Variants in PLXNB2 observed in about 807,000 individuals in gnomAD.
The protein encoded by PLXNB2 is plexin B2.
Under a neutral mutation model 202.6 loss-of-function variants are expected in PLXNB2, and 85 were observed. The ratio of observed to expected loss-of-function variants is 0.42; its 90% confidence interval spans 0.35 to 0.50. The LOEUF (loss-of-function observed/expected upper bound fraction) is 0.50, where lower values mean the gene tolerates loss of function less well. PLXNB2 is among the 20% of genes least tolerant of loss of function. The pLI, the probability that PLXNB2 is intolerant of heterozygous loss-of-function variation, is 0.02. For synonymous variants in PLXNB2, 1,239 were observed against 1,137.6 expected, an observed-to-expected ratio of 1.09 and a Z score of -1.79; for missense variants, 2,063 against 2,586.2, an observed-to-expected ratio of 0.80 and a Z score of 4.39.
rs776734051 is a variant in PLXNB2 at position 50,282,713 on chromosome 22, G to A, written c.2985C>T (p.Ala995=). 1 of 1,604,894 alleles carries A rather than the reference G, an allele frequency of 6.2e-7. No homozygotes were observed. The highest frequency in any genetic ancestry group is 8.5e-7 in the Non-Finnish European group (1 of 1,175,134). The part of the protein sequence containing the change: ...LRAFEPLRSF[A]SGGRSINVTG... ...GGGCGGGGGGACACCAGCCTCACCT[G>A]GCAAAGCTTCGTAGCGGCTCGAAGG... Residue 995 remains alanine, a splice_region_variant and synonymous_variant, in exon 18 of 37, where the codon GCC becomes GCT. Coordinates refer to ENST00000359337, the MANE Select transcript of PLXNB2 (RefSeq NM_012401.4).
chr22:50,280,014 C>T lies in PLXNB2; in HGVS notation c.4233G>A (p.Gln1411=), dbSNP rs374115679. 139 of 1,607,300 alleles carry T rather than the reference C, an allele frequency of 8.6e-5. 1 individual carries two copies. The South Asian group carries it at 1.4e-3, about 17-fold the overall frequency. ...CTGGGGTGGAACCCACCTTGAGGTA[C>T]TGGTACAGGCAGATGGACATCCAGT... ...LSNWMSICLY[Q]YLKDSAGEPL... The change falls in exon 26 of 37, where the codon CAG becomes CAA. Residue 1411 remains glutamine, a synonymous_variant. Transcript: ENST00000359337.
chr22:50,291,271 G>A lies in PLXNB2; in HGVS notation c.-13-674C>T, dbSNP rs186304265. Among the ~76,000 whole-genome samples, 4 of 152,290 alleles carry A rather than the reference G, an allele frequency of 2.6e-5. No individual in the cohort carries two copies. Among genetic ancestry groups the A allele is most frequent in the Non-Finnish European group, 5.9e-5 (4 of 68,012 alleles). On this transcript the variant is annotated intron_variant, in intron 2 of 36. Coordinates refer to ENST00000359337, the MANE Select transcript of PLXNB2 (RefSeq NM_012401.4). This position sits in a 1 kb window ranked among gnomAD's most constrained non-coding sequence, Gnocchi z 4.3. Reference sequence around the variant, plus strand: ...CAGCTCCTCGCTCGGCCCATGTCACGCCCAGGGCACAGCCTCTGATGTGCG... The same window carrying A: ...CAGCTCCTCGCTCGGCCCATGTCACACCCAGGGCACAGCCTCTGATGTGCG...
rs116229426 is a variant in PLXNB2, at chr22:50,283,450, C to T, written c.2571-5G>A. ...GCCTCGATCACACACACGATCCTGG[C>T]GGGCGACAGGCAGTGTGGCCCAGGC... On this transcript the variant is annotated splice_region_variant and splice_polypyrimidine_tract_variant and intron_variant, in intron 15 of 36. Transcript: ENST00000359337. The T allele has an allele frequency of 1.2e-3, 1,975 of 1,612,318 alleles. 12 individuals are homozygous for T. In the African/African-American group the frequency reaches 0.013, roughly 10 times the overall value.
intron 2 of PLXNB2, among the ~76,000 whole-genome samples, chr22:50,294,437 G>A (rs2067115077): frequency 1.4e-5 from 2 of 145,740 alleles, no homozygotes; most frequent in African/African-American, 5.1e-5. Flanking sequence ...CCCAGAACCC[G>A]GTGCCACAGT....
Position 50,282,013 on chromosome 22 carries a change from C to G in PLXNB2, c.3186G>C (p.Glu1062Asp). Residue 1062 changes from glutamate to aspartate, a missense_variant, in exon 20 of 37, where the codon GAG (glutamate) becomes GAC (aspartate). Glu to Asp is a conservative substitution (Grantham distance 45). Around this residue, in one of 2 missense-constraint regions of PLXNB2, gnomAD observed 760 missense variants for 1,109.4 expected, o/e 0.69. Transcript: ENST00000359337. ...CCGTGAGGTTGTAGGCCTCTGGCTCCTCAGGCACAGCCGGGGACAGGAAGA... is the reference window on the plus strand; with the variant it reads ...CCGTGAGGTTGTAGGCCTCTGGCTCGTCAGGCACAGCCGGGGACAGGAAGA... ...KVVFLSPAVP[E>D]EPEAYNLTVL... 1 of 1,612,876 alleles carries G rather than the reference C, an allele frequency of 6.2e-7. No individual in the cohort carries two copies. The highest frequency in any genetic ancestry group is 8.5e-7 in the Non-Finnish European group (1 of 1,179,938).
chr22:50,284,049 C>G lies in PLXNB2; in HGVS notation c.2264-59G>C. The G allele has an allele frequency of 6.6e-7, 1 of 1,526,188 alleles. No individual in the cohort carries two copies. Among genetic ancestry groups the G allele is most frequent in the Non-Finnish European group, 8.8e-7 (1 of 1,139,780 alleles). 94.5% of individuals were successfully genotyped at this position (1,526,188 alleles called of 1,614,324 possible). A position where few individuals can be genotyped will look rare whatever the true frequency, so the allele number is the denominator to read the frequency against. ...TGCCTGCCCGCCCCCGACCTGCTCC[C>G]CACTGCGCCCACCTGTCCCCCCACC... On this transcript the variant is annotated intron_variant, in intron 13 of 36. Transcript: ENST00000359337. This position sits in a 1 kb window ranked among gnomAD's most constrained non-coding sequence, Gnocchi z 8.0.
rs1470746076 is a variant in PLXNB2 at position 50,285,964 on chromosome 22, T to TC, written c.1986+25dup. 5 of 1,607,254 alleles carry TC rather than the reference T, an allele frequency of 3.1e-6. No individual in the cohort carries two copies. The Admixed American group carries it at 5.0e-5, about 16-fold the overall frequency. On this transcript the variant is annotated intron_variant, in intron 10 of 36. Coordinates refer to ENST00000359337, the MANE Select transcript of PLXNB2 (RefSeq NM_012401.4). ...AGCGGAGCAGCCATGCCCTGAACAGTCCCCTGAGGCCCCGAGGCCCCTCAC... is the reference window on the plus strand; with the variant it reads ...AGCGGAGCAGCCATGCCCTGAACAGTCCCCCTGAGGCCCCGAGGCCCCTCAC...
At chr22:50,275,845 G>A (rs368982068) in intron 36 of PLXNB2, 37 bp from the exon 37 acceptor site, 90 of 1,605,874 alleles carry the variant, frequency 5.6e-5, no homozygotes, top group East Asian at 4.5e-4. Context: ...CCGGGGGACC[G>A]CCCAGCACCC....
At chr22:50,280,714 G>GGGCGCCC in intron 24 of PLXNB2, 30 bp downstream of exon 24, 12 of 1,528,880 alleles carry the variant, frequency 7.8e-6, no homozygotes, top group Non-Finnish European at 1.1e-5. Context: ...CCACCTGTGT[G>GGGCGCCC]CCCTCCCGCC....
In PLXNB2 at chr22:50,284,869, G is replaced by A. The variant is rs755217856; in HGVS notation, c.2089-204C>T. 1.3e-4 allele frequency: 88 copies of A among 691,246 alleles called. No individual in the cohort carries two copies. The highest frequency in any genetic ancestry group is 4.1e-4 in the South Asian group (28 of 68,130). 42.8% of individuals were successfully genotyped at this position (691,246 alleles called of 1,614,324 possible). A position where few individuals can be genotyped will look rare whatever the true frequency, so the allele number is the denominator to read the frequency against. Reference sequence around the variant, plus strand: ...CCTGTGTCTGCAGAAGCCTCTGAACGTCCTCTGTGGGTTTCCCACGGCCAC... The same window carrying A: ...CCTGTGTCTGCAGAAGCCTCTGAACATCCTCTGTGGGTTTCCCACGGCCAC... On this transcript the variant is annotated intron_variant, in intron 11 of 36. Coordinates refer to ENST00000359337, the MANE Select transcript of PLXNB2 (RefSeq NM_012401.4). This position sits in a 1 kb window ranked among gnomAD's most constrained non-coding sequence, Gnocchi z 8.0.
Position 50,275,131 on chromosome 22 carries a change from G to A in PLXNB2, c.*573C>T, listed in dbSNP as rs538220146. 19 of 265,664 alleles carry A rather than the reference G, an allele frequency of 7.2e-5. No homozygotes were observed. The highest frequency in any genetic ancestry group is 1.4e-3 in the Middle Eastern group (1 of 708). 16.5% of individuals were successfully genotyped at this position (265,664 alleles called of 1,614,324 possible). ...CAGGACCCCAGGATGTCTGGGCCCCGACGTAGGACTTGACCTACGTCTCAC... is the reference window on the plus strand; with the variant it reads ...CAGGACCCCAGGATGTCTGGGCCCCAACGTAGGACTTGACCTACGTCTCAC... On this transcript the variant is annotated 3_prime_UTR_variant, in exon 37 of 37. Coordinates refer to ENST00000359337, the MANE Select transcript of PLXNB2 (RefSeq NM_012401.4).
Position 50,278,123 on chromosome 22 carries a change from T to C in PLXNB2, c.4881A>G (p.Ser1627=), listed in dbSNP as rs1487702981. The stretch of plus-strand genomic sequence containing the variant: ...CACACCCATGGGGGCCCACCTTGAC[T>C]GAGAGCAGCCGCGTCAGGTAGATCT... ...ITEIYLTRLL[S]VKGTLQQFVD... The change falls in exon 31 of 37, where the codon TCA becomes TCG. Residue 1627 remains serine (S), a synonymous_variant. Transcript: ENST00000359337. The C allele has an allele frequency of 6.2e-6, 10 of 1,602,444 alleles. No individual in the cohort carries two copies. Among genetic ancestry groups the C allele is most frequent in the Non-Finnish European group, 8.5e-6 (10 of 1,179,480 alleles).
Position 50,280,483 on chromosome 22 carries a change from G to GGGGCCGC in PLXNB2, c.4175+5_4175+6insGCGGCCC. On this transcript the variant is annotated splice_donor_region_variant and intron_variant, in intron 25 of 36. Coordinates refer to ENST00000359337, the MANE Select transcript of PLXNB2 (RefSeq NM_012401.4). Reference sequence around the variant, plus strand: ...TGGCCCCGCTCGTGGCCCCGCCCATGTGCACCTGCGCAGCATCAGCTTGGG... The same window carrying GGGGCCGC: ...TGGCCCCGCTCGTGGCCCCGCCCATGGGGCCGCTGCACCTGCGCAGCATCAGCTTGGG... 1 of 1,598,628 alleles carries GGGGCCGC rather than the reference G, an allele frequency of 6.3e-7. No individual in the cohort carries two copies. The highest frequency in any genetic ancestry group is 8.5e-7 in the Non-Finnish European group (1 of 1,172,732).
intron 28 of PLXNB2, 39 bp from the exon 29 acceptor site, chr22:50,278,735 C>G (rs772680157): frequency 1.1e-5 from 17 of 1,590,588 alleles, no homozygotes; most frequent in Middle Eastern, 1.7e-4. Context: ...CCCAGCCACC[C>G]AGGTTCCTCC....
In PLXNB2 at chr22:50,275,467, T is replaced by G. The variant is rs1472034759; in HGVS notation, c.*237A>C. 1.5e-6 allele frequency: 1 copy of G among 645,302 alleles called. No individual in the cohort carries two copies. Among genetic ancestry groups the G allele is most frequent in the Non-Finnish European group, 2.9e-6 (1 of 348,148 alleles). The allele number at this position is 645,302 out of a possible 1,614,324, so 40.0% of individuals were successfully genotyped here. On this transcript the variant is annotated 3_prime_UTR_variant, in exon 37 of 37. Coordinates refer to ENST00000359337, the MANE Select transcript of PLXNB2 (RefSeq NM_012401.4). ...CTCGACAGTGAACACCCGATGCTGG[T>G]TCTGCGGCCGGAGGGAGCTGGGGCT...
At position 50,289,565 on chromosome 22, in the gene PLXNB2, G is replaced by A. The variant is rs1310021196; in HGVS notation, c.1020C>T (p.Ile340=). Residue 340 remains isoleucine, a synonymous_variant, in exon 3 of 37, where the codon ATC becomes ATT. Coordinates refer to ENST00000359337, the MANE Select transcript of PLXNB2 (RefSeq NM_012401.4). This position sits in a 1 kb window ranked among gnomAD's most constrained non-coding sequence, Gnocchi z 8.0. Reference sequence around the variant, plus strand: ...TATCGCCGTGGAAGGGCTTGTAGAAGATGTCACGGGCCTCCCGGGTGCCTG... The same window carrying A: ...TATCGCCGTGGAAGGGCTTGTAGAAAATGTCACGGGCCTCCCGGGTGCCTG... ...CYTGTREARD[I]FYKPFHGDIQ... 1.2e-6 allele frequency: 2 copies of A among 1,611,798 alleles called. No individual in the cohort carries two copies. Among genetic ancestry groups the A allele is most frequent in the Non-Finnish European group, 1.7e-6 (2 of 1,179,884 alleles).
Position 50,278,467 on chromosome 22 carries a change from G to A in PLXNB2, c.4700C>T (p.Pro1567Leu), listed in dbSNP as rs368368664. The A allele has an allele frequency of 2.0e-5, 31 of 1,559,584 alleles. No individual in the cohort carries two copies. Among genetic ancestry groups the A allele is most frequent in the Middle Eastern group, 1.7e-4 (1 of 6,014 alleles). The change falls in exon 30 of 37, where the codon CCG becomes CTG. Residue 1567 changes from proline to leucine, a missense_variant. Around this residue, in one of 2 missense-constraint regions of PLXNB2, gnomAD observed 760 missense variants for 1,109.4 expected, o/e 0.69. Coordinates refer to ENST00000359337, the MANE Select transcript of PLXNB2 (RefSeq NM_012401.4). ...AGGCAGGTCCTGCTGGCTGTCCTCCGGCTGCTGGGAGACCCCCACCTTGGA... is the reference window on the plus strand; with the variant it reads ...AGGCAGGTCCTGCTGGCTGTCCTCCAGCTGCTGGGAGACCCCCACCTTGGA... ...ILSKVGVSQQPEDSQQDLPGE... is the reference protein window; with the variant it reads ...ILSKVGVSQQLEDSQQDLPGE...
intron 18 of PLXNB2, 31 bp from the exon 19 acceptor site, chr22:50,282,344 C>A: frequency 6.4e-7 from 1 of 1,568,982 alleles, no homozygotes; most frequent in South Asian, 1.2e-5. Context: ...GTGGGCTCGG[C>A]TGGCAGGGGT....
intron 18 of PLXNB2, 23 bp downstream of exon 18, chr22:50,282,688 G>T: frequency 1.3e-6 from 2 of 1,552,688 alleles, no homozygotes; most frequent in East Asian, 2.3e-5. Flanking sequence ...GAGCAGAGGG[G>T]GGCGGGGGGA....
Sources: gnomAD v4.1 joint callset for allele counts (sites outside exome capture counted in the v4.1 genomes callset) on GRCh38, gnomAD v4.1.1 for gene constraint, gnomAD v4.1.1 regional missense constraint, Gnocchi (gnomAD v3.1) non-coding constraint, MANE v1.5 for transcripts, NCBI Gene and HGNC (gene_info 2026-07-23, HGNC 2026-07-21) for gene names.